The following ASH1L variants were observed in gnomAD, a reference collection of about 807,000 sequenced individuals.
ASH1L encodes histone-lysine N-methyltransferase ASH1L.
In ASH1L, 23 loss-of-function variants were observed where a neutral mutation model predicts 269.0. The ratio of observed to expected loss-of-function variants is 0.09; its 90% CI spans 0.06 to 0.12. The LOEUF (loss-of-function observed/expected upper bound fraction) is 0.12, where lower values mean the gene tolerates loss of function less well. ASH1L is among the 10% of genes least tolerant of loss of function. ASH1L has a pLI of 1.00. For synonymous variants in ASH1L, 1,187 were observed against 1,253.5 expected, an observed-to-expected ratio of 0.95 and a Z score of 1.12; for missense variants, 2,912 against 3,567.8, an observed-to-expected ratio of 0.82 and a Z score of 4.68.
At chr1:155,353,807 C>T (rs1654129452) in intron 16 of ASH1L, among the ~76,000 whole-genome samples, 1 of 152,126 alleles carries the variant, frequency 6.6e-6, no homozygotes, top group Non-Finnish European at 1.5e-5. Context: ...AATGACCTGT[C>T]CACCCACTGA....
chr1:155,562,250 G>T lies in ASH1L; in HGVS notation c.-197C>A. ...GGCTCCTCCGCTTCCCTGGGTCCAC[G>T]GCGGATCCCTCCCGCTTGTCAGGAG... On this transcript the variant is annotated 5_prime_UTR_variant, in exon 1 of 28. Transcript: ENST00000392403. 4 of 1,610,276 alleles carry T rather than the reference G, an allele frequency of 2.5e-6. No individual in the cohort carries two copies. Among genetic ancestry groups the T allele is most frequent in the Non-Finnish European group, 2.5e-6 (3 of 1,176,934 alleles).
In ASH1L at chr1:155,337,579, CT is replaced by C; in HGVS notation, c.*80del. On this transcript the variant is annotated 3_prime_UTR_variant, in exon 28 of 28. Coordinates refer to ENST00000392403, the MANE Select transcript of ASH1L (RefSeq NM_018489.3). ...TTGCCCAGATGGACCCTTCCCACCC[CT>C]GTCTATACCCAGAGAGCAGGAGGCA... 1 of 1,221,598 alleles carries C rather than the reference CT, an allele frequency of 8.2e-7. No individual in the cohort carries two copies. Among genetic ancestry groups the C allele is most frequent in the Middle Eastern group, 2.0e-4 (1 of 4,886 alleles). The allele number at this position is 1,221,598 out of a possible 1,614,324, so 75.7% of individuals were successfully genotyped here.
Position 155,451,824 on chromosome 1 carries a change from G to A in ASH1L, c.5086+7973C>T, listed in dbSNP as rs71628666. On this transcript the variant is annotated intron_variant, in intron 4 of 27. Coordinates refer to ENST00000392403, the MANE Select transcript of ASH1L (RefSeq NM_018489.3). Reference sequence around the variant, plus strand: ...GCAGCCTCCGCCTCCAAGTTCATACGATTCTCTTGCCTCAGCCTCCTGAGT... The same window carrying A: ...GCAGCCTCCGCCTCCAAGTTCATACAATTCTCTTGCCTCAGCCTCCTGAGT... Among the ~76,000 whole-genome samples the A allele has an allele frequency of 2.4e-3, 361 of 152,228 alleles. 1 individual carries two copies. The highest frequency in any genetic ancestry group is 8.3e-3 in the African/African-American group (345 of 41,544).
At chr1:155,555,801 C>T (rs947379335) in intron 1 of ASH1L, among the ~76,000 whole-genome samples, 4 of 152,092 alleles carry the variant, frequency 2.6e-5, no homozygotes, top group African/African-American at 9.7e-5. Flanking sequence ...TAGTTTAGTT[C>T]CAACTATGAT....
rs773950541 is a variant in ASH1L at position 155,481,261 on chromosome 1, C to T, written c.1609G>A (p.Ala537Thr). ...GATTTAGCGGTAGATACATCAGAAG[C>T]ACCTCCCATTTTAAAGTCCGGAGAA... ...CTSPDFKMGG[A>T]SDVSTAKSPF... Residue 537 changes from alanine to threonine, a missense_variant, in exon 3 of 28, where the codon GCT becomes ACT. Ala to Thr is a moderately conservative substitution (Grantham distance 58). This residue lies in a region of ASH1L where 715 missense variants were observed against 721.0 expected (regional missense o/e 0.99). Transcript: ENST00000392403. The T allele has an allele frequency of 1.2e-6, 2 of 1,614,084 alleles. No homozygotes were observed. Among genetic ancestry groups the T allele is most frequent in the Non-Finnish European group, 1.7e-6 (2 of 1,179,980 alleles).
intron 13 of ASH1L, 146 bp from the exon 14 acceptor site, chr1:155,357,895 C>T: frequency 2.8e-6 from 2 of 724,916 alleles, no homozygotes; most frequent in South Asian, 4.4e-5. Flanking sequence ...CTCAGCCTCC[C>T]CAGTAGCTGA....
At chr1:155,475,316 T>G (rs1045912954) in intron 3 of ASH1L, among the ~76,000 whole-genome samples, 1 of 152,126 alleles carries the variant, frequency 6.6e-6, no homozygotes, top group Non-Finnish European at 1.5e-5. Context: ...TTTGTATTTT[T>G]AGTAGAGATG....
At chr1:155,528,500 C>G (rs749950761) in intron 1 of ASH1L, among the ~76,000 whole-genome samples, 7 of 151,692 alleles carry the variant, frequency 4.6e-5, no homozygotes, top group South Asian at 2.1e-4. Flanking sequence ...GGAAGCTGGC[C>G]AGTCCCAAAA....
intron 1 of ASH1L, among the ~76,000 whole-genome samples, chr1:155,537,962 C>T (rs1321821898): frequency 1.3e-5 from 2 of 152,098 alleles, no homozygotes; most frequent in African/African-American, 2.4e-5. Context: ...TCCTTAGGTT[C>T]AGTCAGTCTT....
chr1:155,489,262 G>C (rs993947282), intron 2 of ASH1L, among the ~76,000 whole-genome samples: 1 of 151,810 alleles, frequency 6.6e-6, no homozygotes, highest in Non-Finnish European at 1.5e-5. Flanking sequence ...CATCAGGTCA[G>C]GAGTTTGAGA....
Position 155,378,314 on chromosome 1 carries a change from G to C in ASH1L, c.6299C>G (p.Thr2100Ser), listed in dbSNP as rs745691964. 2 of 1,614,146 alleles carry C rather than the reference G, an allele frequency of 1.2e-6. No individual in the cohort carries two copies. Among genetic ancestry groups the C allele is most frequent in the Non-Finnish European group, 1.7e-6 (2 of 1,180,014 alleles). ...TCNCKKPDDDTRKGCVDDCLN... is the reference protein window; with the variant it reads ...TCNCKKPDDDSRKGCVDDCLN... ...GCAGTCATCAACACAGCCCTTCCTG[G>C]TGTCATCATCTGGCTTCTTACAGTT... Residue 2100 changes from threonine to serine, a missense_variant, in exon 10 of 28, where the codon ACC becomes AGC. Transcript: ENST00000392403.
chr1:155,446,491 G>A (rs1290167051), intron 4 of ASH1L, among the ~76,000 whole-genome samples: 30 of 150,726 alleles, frequency 2.0e-4, no homozygotes, highest in Admixed American at 2.0e-3. Flanking sequence ...CAGAGATGGG[G>A]TTTCACCATG....
intron 5 of ASH1L, among the ~76,000 whole-genome samples, chr1:155,431,282 T>C (rs1028122855): frequency 2.0e-5 from 3 of 151,366 alleles, no homozygotes; most frequent in African/African-American, 7.3e-5. Flanking sequence ...AGAGACAAAG[T>C]CTTGCTATAA....
intron 5 of ASH1L, among the ~76,000 whole-genome samples, chr1:155,427,290 AC>A (rs1661230156): frequency 6.6e-6 from 1 of 150,974 alleles, no homozygotes; most frequent in South Asian, 2.1e-4. Flanking sequence ...ATGCAGCACC[AC>A]ACCTGGCTAA....
rs2148483966 is a variant in ASH1L, at chr1:155,395,465, G to C, written c.6097C>G (p.His2033Asp). 1.3e-6 allele frequency: 2 copies of C among 1,598,116 alleles called. No homozygotes were observed. Among genetic ancestry groups the C allele is most frequent in the Non-Finnish European group, 1.7e-6 (2 of 1,172,974 alleles). Residue 2033 changes from histidine (H) to aspartate (D), a missense_variant, in exon 7 of 28, where the codon CAT becomes GAT. Physicochemically the swap from His to Asp is moderately conservative, Grantham distance 81 (BLOSUM62 -1). Around this residue, in one of 13 missense-constraint regions of ASH1L, gnomAD observed 193 missense variants for 311.6 expected, o/e 0.62. Transcript: ENST00000392403. ...HEYGLFPAPI[H>D]VGKYLRQKRI... is the part of the protein sequence containing the mutation. ...GTGTGGACTCGGTACTTACCAACAT[G>C]AATGGGCGCTGGAAATAATCCATAT...
At chr1:155,539,474 T>G (rs1670278653) in intron 1 of ASH1L, among the ~76,000 whole-genome samples, 1 of 151,846 alleles carries the variant, frequency 6.6e-6, no homozygotes, top group Non-Finnish European at 1.5e-5. Context: ...TCTTGTTCTT[T>G]GAGAAAAAAT....
chr1:155,498,668 C>G (rs556947008), intron 2 of ASH1L, among the ~76,000 whole-genome samples: 1 of 151,682 alleles, frequency 6.6e-6, no homozygotes, highest in African/African-American at 2.4e-5. Context: ...CTTGAACTCC[C>G]GAACTCAGGT....
intron 3 of ASH1L, among the ~76,000 whole-genome samples, chr1:155,461,848 G>C (rs1251130978): frequency 6.7e-6 from 1 of 150,184 alleles, no homozygotes; most frequent in Non-Finnish European, 1.5e-5. Flanking sequence ...TCCCAGGCTG[G>C]AGAGCAGTGG....
At chr1:155,446,536 C>A (rs1301271632) in intron 4 of ASH1L, among the ~76,000 whole-genome samples, 1 of 148,318 alleles carries the variant, frequency 6.7e-6, no homozygotes, top group Non-Finnish European at 1.5e-5. Flanking sequence ...TGGGCTCAAG[C>A]GATCCACACA....
Sources: allele counts gnomAD v4.1 joint callset (sites outside exome capture counted in the v4.1 genomes callset), GRCh38; gene constraint gnomAD v4.1.1; regional missense constraint gnomAD v4.1.1; transcripts MANE v1.5; gene names NCBI Gene and HGNC (gene_info 2026-07-23, HGNC 2026-07-21).